Variants in AAGAB observed in about 807,000 individuals in gnomAD.
The protein encoded by AAGAB is alpha- and gamma-adaptin-binding protein p34.
Under a neutral mutation model 44.1 loss-of-function variants are expected in AAGAB, and 38 were observed. The ratio of observed to expected loss-of-function variants is 0.86; its 90% CI spans 0.67 to 1.13. The LOEUF (loss-of-function observed/expected upper bound fraction) is 1.13. Ranked by LOEUF, AAGAB falls within the 50% of genes most tolerant of loss-of-function variation. The probability of loss-of-function intolerance (pLI) is 0.00; values close to 1 mark genes in which losing one functional copy is unlikely to be tolerated. For missense variants in AAGAB, 450 were observed against 373.8 expected, an observed-to-expected ratio of 1.20 and a Z score of -1.68; for synonymous variants, 131 against 131.8, an observed-to-expected ratio of 0.99 and a Z score of 0.04.
chr15:67,229,160 G>A (rs1254743440), intron 5 of AAGAB, among the ~76,000 whole-genome samples: 2 of 152,168 alleles, frequency 1.3e-5, no homozygotes, highest in South Asian at 2.1e-4. Flanking sequence ...AGGGCCAGGC[G>A]GGGTGGCTCA....
At chr15:67,249,047 T>C (rs2140399015) in intron 1 of AAGAB, among the ~76,000 whole-genome samples, 1 of 152,286 alleles carries the variant, frequency 6.6e-6, no homozygotes, top group South Asian at 2.1e-4. Flanking sequence ...AGAAATTTTT[T>C]TTTTTAAGAC....
intron 5 of AAGAB, among the ~76,000 whole-genome samples, chr15:67,216,442 G>GAAAAAAA (rs60381455): frequency 1.9e-5 from 1 of 52,156 alleles, no homozygotes; most frequent in South Asian, 1.3e-3. Flanking sequence ...ACTCACTCTT[G>GAAAAAAA]AAAAAAAAAA....
At chr15:67,212,301 GTAT>G (rs1963842777) in intron 5 of AAGAB, among the ~76,000 whole-genome samples, 1 of 152,004 alleles carries the variant, frequency 6.6e-6, no homozygotes, top group Non-Finnish European at 1.5e-5. Context: ...ACATGTTCAT[GTAT>G]TATTTACCTA....
At chr15:67,236,882 CTCAG>C in intron 1 of AAGAB, 62 bp from the exon 2 acceptor site, 1 of 1,342,954 alleles carries the variant, frequency 7.4e-7, no homozygotes, top group Non-Finnish European at 1.0e-6. Context: ...GGTTGATTTT[CTCAG>C]TCAGATACCA....
chr15:67,243,827 T>A (rs1276712424), intron 1 of AAGAB, among the ~76,000 whole-genome samples: 1 of 152,264 alleles, frequency 6.6e-6, no homozygotes, highest in Non-Finnish European at 1.5e-5. Context: ...CTTCCATTTA[T>A]ATCTAATAAA....
At position 67,212,259 on chromosome 15, in the gene AAGAB, T is replaced by C. The variant is rs185056958; in HGVS notation, c.536-2715A>G. ...GAGTTAGGAGTAGGAGCTAGACTCA[T>C]CACTGTATACTGTAAACCTTTAATT... On this transcript the variant is annotated intron_variant, in intron 5 of 9. Transcript: ENST00000261880. 6.6e-5 allele frequency among the ~76,000 whole-genome samples: 10 copies of C among 152,344 alleles called. No homozygotes were observed. In the East Asian group the frequency reaches 1.9e-3, roughly 29 times the overall value.
Position 67,236,792 on chromosome 15 carries a change from C to T in AAGAB, c.102G>A (p.Val34=). ...QHILGTEDLI[V]EVTSNDAVRF... is the part of the protein sequence containing the mutation. Reference sequence around the variant, plus strand: ...TCACAGCATCATTGGAAGTCACTTCCACAATAAGATCTTCTGTTCCAAGGA... The same window carrying T: ...TCACAGCATCATTGGAAGTCACTTCTACAATAAGATCTTCTGTTCCAAGGA... Residue 34 remains valine (V), a synonymous_variant, in exon 2 of 10, where the codon GTG becomes GTA. Coordinates refer to ENST00000261880, the MANE Select transcript of AAGAB (RefSeq NM_024666.5). The T allele has an allele frequency of 1.9e-6, 3 of 1,611,052 alleles. No homozygotes were observed. Among genetic ancestry groups the T allele is most frequent in the Non-Finnish European group, 2.5e-6 (3 of 1,178,892 alleles).
chr15:67,222,282 A>ACACACACACACACAC (rs796412643), intron 5 of AAGAB, among the ~76,000 whole-genome samples: 7 of 139,850 alleles, frequency 5.0e-5, no homozygotes, highest in Admixed American at 2.9e-4. Flanking sequence ...ACACACACAC[A>ACACACACACACACAC]CCCTCCACCC....
At chr15:67,222,230 ACGCGCGCG>A (rs372896757) in intron 5 of AAGAB, among the ~76,000 whole-genome samples, 150 of 133,850 alleles carry the variant, frequency 1.1e-3, no homozygotes, top group African/African-American at 4.0e-3. Context: ...ATGCACGCGC[ACGCGCGCG>A]CGCGCACACA....
intron 7 of AAGAB, among the ~76,000 whole-genome samples, chr15:67,207,108 T>C (rs1057060736): frequency 6.6e-6 from 1 of 152,190 alleles, no homozygotes; most frequent in East Asian, 1.9e-4. Flanking sequence ...GAGAATCGCT[T>C]GAACCCAGGA....
At chr15:67,229,990 G>A (rs1409360362) in intron 5 of AAGAB, among the ~76,000 whole-genome samples, 1 of 151,860 alleles carries the variant, frequency 6.6e-6, no homozygotes, top group African/African-American at 2.4e-5. Flanking sequence ...GGGATTACAG[G>A]CACGTGCCAT....
chr15:67,233,652 ACTAG>A (rs1964395386), intron 4 of AAGAB, among the ~76,000 whole-genome samples: 3 of 152,336 alleles, frequency 2.0e-5, no homozygotes, highest in African/African-American at 2.4e-5. Context: ...TCTGCCACTT[ACTAG>A]CTATTTGATC....
At chr15:67,240,628 T>A (rs1343794592) in intron 1 of AAGAB, among the ~76,000 whole-genome samples, 1 of 152,244 alleles carries the variant, frequency 6.6e-6, no homozygotes, top group Non-Finnish European at 1.5e-5. Flanking sequence ...AGTGCAAGTA[T>A]AAACCTCTAT....
At chr15:67,241,325 T>C (rs886981226) in intron 1 of AAGAB, among the ~76,000 whole-genome samples, 1 of 152,310 alleles carries the variant, frequency 6.6e-6, no homozygotes, top group Middle Eastern at 3.4e-3. Context: ...CTGAGGGAAG[T>C]GACAGCTGCC....
chr15:67,247,702 C>T (rs995354922), intron 1 of AAGAB, among the ~76,000 whole-genome samples: 2 of 152,154 alleles, frequency 1.3e-5, no homozygotes, highest in South Asian at 2.1e-4. Context: ...TCTAAAACTT[C>T]GCACGAAAAG....
intron 5 of AAGAB, among the ~76,000 whole-genome samples, 172 bp from the exon 6 acceptor site, chr15:67,209,716 A>C (rs1963768914): frequency 6.6e-6 from 1 of 152,220 alleles, no homozygotes; most frequent in Non-Finnish European, 1.5e-5. Flanking sequence ...GCAGTGGCAC[A>C]ATCACAGCTC....
chr15:67,254,794 C>G, upstream of AAGAB: 1 of 1,376,438 alleles, frequency 7.3e-7, no homozygotes, highest in Non-Finnish European at 1.0e-6. Flanking sequence ...GTGGAACAGG[C>G]CAGGTCGCGC....
chr15:67,210,885 G>C (rs982660364), intron 5 of AAGAB, among the ~76,000 whole-genome samples: 6 of 152,154 alleles, frequency 3.9e-5, no homozygotes, highest in African/African-American at 1.4e-4. Flanking sequence ...TAACAGTACA[G>C]AAGTCAAAGA....
At position 67,235,921 on chromosome 15, in the gene AAGAB, A is replaced by G. The variant is rs1964449870; in HGVS notation, c.451+58T>C. ...TTTTGCTGTGATTCTTCTTCCCTGAATTAAAATAATCTCTCATATCTAAGT... is the reference window on the plus strand; with the variant it reads ...TTTTGCTGTGATTCTTCTTCCCTGAGTTAAAATAATCTCTCATATCTAAGT... On this transcript the variant is annotated intron_variant, in intron 4 of 9. Transcript: ENST00000261880. 2.0e-5 allele frequency: 26 copies of G among 1,284,218 alleles called. No homozygotes were observed. In the South Asian group the frequency reaches 3.4e-4, roughly 17 times the overall value. The allele number at this position is 1,284,218 out of a possible 1,614,324, so 79.6% of individuals were successfully genotyped here.
Sources: allele counts gnomAD v4.1 joint callset (sites outside exome capture counted in the v4.1 genomes callset), GRCh38; gene constraint gnomAD v4.1.1; transcripts MANE v1.5; gene names NCBI Gene and HGNC (gene_info 2026-07-23, HGNC 2026-07-21).